Variants in CFAP44 observed in about 807,000 individuals in gnomAD.
The protein encoded by CFAP44 is cilia and flagella associated protein 44.
Under a neutral mutation model 216.2 loss-of-function variants are expected in CFAP44, and 134 were observed. That is an observed-to-expected ratio of 0.62 (90% CI 0.54 to 0.72). CFAP44 has a LOEUF of 0.72. CFAP44 is among the 30% of genes least tolerant of loss of function. The pLI, the probability that CFAP44 is intolerant of heterozygous loss-of-function variation, is 0.00. For missense variants in CFAP44, 2,035 were observed against 2,182.1 expected (o/e 0.93, Z 1.34); for synonymous variants, 700 against 727.6 (o/e 0.96, Z 0.61).
In CFAP44 at chr3:113,409,018, A is replaced by AAG. The variant is rs892555342; in HGVS notation, c.890+87_890+88insCT. ...TTAACCAAAACAGCAAAAAAAAAAA[A>AAG]AAAAAAAAAAAGTCTCCAGCTCTTA... On this transcript the variant is annotated intron_variant, in intron 7 of 34. Transcript: ENST00000393845. The AAG allele has an allele frequency of 3.8e-6, 3 of 779,846 alleles. No homozygotes were observed. The African/African-American group carries it at 5.3e-5, about 14-fold the overall frequency. 48.3% of individuals were successfully genotyped at this position (779,846 alleles called of 1,614,324 possible).
In CFAP44 at chr3:113,363,339, T is replaced by C. The variant is rs746115361; in HGVS notation, c.2772-32A>G. The C allele has an allele frequency of 1.8e-5, 28 of 1,585,482 alleles. No homozygotes were observed. The Middle Eastern group carries it at 4.0e-3, about 229-fold the overall frequency. ...ACAGAAATTTAAAACAATAACAGGTTGTGATACAGAAACAGCAGAGAAAGA... is the reference window on the plus strand; with the variant it reads ...ACAGAAATTTAAAACAATAACAGGTCGTGATACAGAAACAGCAGAGAAAGA... On this transcript the variant is annotated intron_variant, in intron 20 of 34. Coordinates refer to ENST00000393845, the MANE Select transcript of CFAP44 (RefSeq NM_001164496.2).
intron 18 of CFAP44, among the ~76,000 whole-genome samples, chr3:113,372,351 T>C (rs898878185): frequency 6.6e-6 from 1 of 152,222 alleles, no homozygotes; most frequent in Non-Finnish European, 1.5e-5. Context: ...AATGATAGAC[T>C]GGATTAAGAA....
chr3:113,347,602 T>A (rs1253218033), intron 22 of CFAP44, among the ~76,000 whole-genome samples: 1 of 152,192 alleles, frequency 6.6e-6, no homozygotes, highest in Non-Finnish European at 1.5e-5. Flanking sequence ...GATATAATTT[T>A]TGCCCAAAGC....
chr3:113,393,440 C>G (rs1290507583), intron 15 of CFAP44, among the ~76,000 whole-genome samples: 1 of 152,010 alleles, frequency 6.6e-6, no homozygotes, highest in African/African-American at 2.4e-5. Flanking sequence ...GATGATTTCC[C>G]TAGGTGGGGA....
chr3:113,401,485 C>T (rs997579756), intron 10 of CFAP44, 99 bp downstream of exon 10: 17 of 1,423,332 alleles, frequency 1.2e-5, no homozygotes, highest in African/African-American at 1.0e-4. Context: ...TCTCATAACA[C>T]TTACAGTCAA....
chr3:113,325,980 A>G (rs966242921), intron 28 of CFAP44, among the ~76,000 whole-genome samples: 2 of 152,234 alleles, frequency 1.3e-5, no homozygotes, highest in Non-Finnish European at 2.9e-5. Context: ...ATGATACTAC[A>G]GTAAATGAAA....
At chr3:113,337,023 C>T (rs1950287398) in intron 24 of CFAP44, among the ~76,000 whole-genome samples, 1 of 151,056 alleles carries the variant, frequency 6.6e-6, no homozygotes, top group African/African-American at 2.4e-5. Context: ...TAAAACTGTT[C>T]CTGTTTACAA....
intron 2 of CFAP44, 107 bp downstream of exon 2, chr3:113,433,458 A>AAAAAAAAAAAAAAAAT: frequency 1.0e-5 from 3 of 295,860 alleles, no homozygotes; most frequent in Non-Finnish European, 1.9e-5. Flanking sequence ...AAAAAAAAAG[A>AAAAAAAAAAAAAAAAT]TCTATTTTAT....
At chr3:113,429,160 C>A (rs1935038291) in intron 2 of CFAP44, 1 of 152,048 alleles carries the variant, frequency 6.6e-6, no homozygotes, top group African/African-American at 2.4e-5. Context: ...CAACAATATA[C>A]AAATATTAAT....
chr3:113,322,716 G>A (rs1317206610), intron 28 of CFAP44, among the ~76,000 whole-genome samples: 1 of 152,168 alleles, frequency 6.6e-6, no homozygotes, highest in Non-Finnish European at 1.5e-5. Flanking sequence ...ATTTGACCCA[G>A]CAATCCTATT....
chr3:113,399,923 C>G lies in CFAP44; in HGVS notation c.1552G>C (p.Val518Leu), dbSNP rs1934097489. The stretch of plus-strand genomic sequence containing the variant: ...AAACTTACCATTCGGGGTACCCAAA[C>G]AAGGGCAGTACCTCCTTGTTTGAAT... ...MKFKQGGTAL[V>L]WVPRMVNFTG... Residue 518 changes from valine to leucine, a missense_variant, in exon 13 of 35, where the codon GTT (valine) becomes CTT (leucine). Val to Leu is a conservative substitution (Grantham distance 32, BLOSUM62 1). Around this residue, in one of 3 missense-constraint regions of CFAP44, gnomAD observed 1,883 missense variants for 2,023.7 expected, o/e 0.93. Transcript: ENST00000393845. 6.3e-7 allele frequency: 1 copy of G among 1,590,604 alleles called. No homozygotes were observed. Among genetic ancestry groups the G allele is most frequent in the Non-Finnish European group, 8.5e-7 (1 of 1,171,056 alleles).
chr3:113,418,512 T>C (rs952318806), intron 5 of CFAP44, among the ~76,000 whole-genome samples: 1 of 152,176 alleles, frequency 6.6e-6, no homozygotes, highest in African/African-American at 2.4e-5. Flanking sequence ...TCTCATAGCC[T>C]TGCTAAAGTA....
At chr3:113,382,138 G>A (rs1022606040) in intron 15 of CFAP44, among the ~76,000 whole-genome samples, 1 of 152,184 alleles carries the variant, frequency 6.6e-6, no homozygotes, top group African/African-American at 2.4e-5. Context: ...CAAAAGAACA[G>A]AATGAGAGGA....
chr3:113,395,885 G>T (rs769355431), intron 14 of CFAP44, 25 bp from the exon 15 acceptor site: 1 of 1,533,472 alleles, frequency 6.5e-7, no homozygotes, highest in Admixed American at 1.7e-5. Flanking sequence ...ACACACCGAC[G>T]AAATATATAT....
intron 13 of CFAP44, among the ~76,000 whole-genome samples, chr3:113,398,253 C>T (rs78251202): frequency 0.025 from 3,829 of 152,158 alleles, 61 homozygotes; most frequent in East Asian, 0.052. Context: ...CTGATAAATG[C>T]TGTAAGAGAT....
rs753380250 is a variant in CFAP44, at chr3:113,399,908, T to A, written c.1567A>T (p.Met523Leu). Residue 523 changes from methionine (M) to leucine (L), a missense_variant and splice_region_variant, in exon 13 of 35, where the codon ATG (methionine) becomes TTG (leucine). Met to Leu is a conservative substitution (Grantham distance 15). Transcript: ENST00000393845. ...GGTALVWVPRMVNFTGAQIIV... is the reference protein window; with the variant it reads ...GGTALVWVPRLVNFTGAQIIV... ...GTTCATTATAACAACAAACTTACCA[T>A]TCGGGGTACCCAAACAAGGGCAGTA... The A allele has an allele frequency of 7.0e-6, 11 of 1,577,354 alleles. No homozygotes were observed. The South Asian group carries it at 1.2e-4, about 17-fold the overall frequency.
chr3:113,310,807 A>G (rs1950030713), intron 28 of CFAP44, among the ~76,000 whole-genome samples: 1 of 152,056 alleles, frequency 6.6e-6, no homozygotes, highest in African/African-American at 2.4e-5. Flanking sequence ...GTTGTTTTAA[A>G]AGTGTGGTGT....
At chr3:113,367,057 G>A (rs1239201663) in intron 18 of CFAP44, among the ~76,000 whole-genome samples, 2 of 151,736 alleles carry the variant, frequency 1.3e-5, no homozygotes, top group African/African-American at 2.4e-5. Context: ...AAGCGGTTGG[G>A]AAGCTCTAAC....
At chr3:113,353,453 TACACACACACACACACACAC>T (rs34714015) in intron 22 of CFAP44, among the ~76,000 whole-genome samples, 2 of 141,722 alleles carry the variant, frequency 1.4e-5, no homozygotes, top group East Asian at 2.1e-4. Context: ...TATGTATGAA[TACACACACACACACACACAC>T]ACACACACAC....
Sources: gnomAD v4.1 joint callset for allele counts (sites outside exome capture counted in the v4.1 genomes callset) on GRCh38, gnomAD v4.1.1 for gene constraint, gnomAD v4.1.1 regional missense constraint, MANE v1.5 for transcripts, NCBI Gene and HGNC (gene_info 2026-07-23, HGNC 2026-07-21) for gene names.